Variants in RELN observed in about 807,000 individuals in gnomAD.
The protein encoded by RELN is reelin.
A neutral mutation model predicts 427.6 loss-of-function variants in RELN; 108 were observed. The ratio of observed to expected loss-of-function variants is 0.25; its 90% CI spans 0.22 to 0.30. The LOEUF (loss-of-function observed/expected upper bound fraction) is 0.30. RELN is among the 10% of genes least tolerant of loss of function. The pLI, the probability that RELN is intolerant of heterozygous loss-of-function variation, is 1.00. For synonymous variants in RELN, 1,524 were observed against 1,513.4 expected, an observed-to-expected ratio of 1.01 and a Z score of -0.16; for missense variants, 3,715 against 4,302.8, an observed-to-expected ratio of 0.86 and a Z score of 3.82.
intron 10 of RELN, among the ~76,000 whole-genome samples, chr7:103,694,203 G>C (rs1833930770): frequency 6.6e-6 from 1 of 152,114 alleles, no homozygotes; most frequent in African/African-American, 2.4e-5. Flanking sequence ...AAAACACACA[G>C]ATAATTTAAC....
chr7:103,756,283 G>A (rs956087803), intron 4 of RELN, among the ~76,000 whole-genome samples: 1 of 152,178 alleles, frequency 6.6e-6, no homozygotes, highest in Non-Finnish European at 1.5e-5. Context: ...GACCCACTGA[G>A]TCAGAATCTC....
At chr7:103,547,336 G>T (rs964129157) in intron 41 of RELN, among the ~76,000 whole-genome samples, 1 of 152,028 alleles carries the variant, frequency 6.6e-6, no homozygotes, top group African/African-American at 2.4e-5. Flanking sequence ...TGCTCTTGTC[G>T]CCCAGGCTTG....
intron 64 of RELN, among the ~76,000 whole-genome samples, chr7:103,475,208 T>A (rs1240382012): frequency 6.6e-6 from 1 of 150,756 alleles, no homozygotes; most frequent in African/African-American, 2.5e-5. Flanking sequence ...ACTCCCTCTA[T>A]AAGTGAACTT....
intron 45 of RELN, among the ~76,000 whole-genome samples, chr7:103,535,990 A>G (rs1329451429): frequency 6.6e-6 from 1 of 152,070 alleles, no homozygotes; most frequent in African/African-American, 2.4e-5. Flanking sequence ...CATATTATAT[A>G]TTTTAATAAT....
chr7:103,962,445 C>G (rs1482187051), intron 1 of RELN, among the ~76,000 whole-genome samples: 2 of 152,124 alleles, frequency 1.3e-5, no homozygotes, highest in African/African-American at 4.8e-5. Context: ...CTAATTACCA[C>G]CAAGAGGAAT....
chr7:103,960,562 C>A (rs961861326), intron 1 of RELN, among the ~76,000 whole-genome samples: 1 of 152,128 alleles, frequency 6.6e-6, no homozygotes, highest in Non-Finnish European at 1.5e-5. Context: ...CAGAAAATAT[C>A]TGGCATATTT....
intron 10 of RELN, among the ~76,000 whole-genome samples, chr7:103,696,834 T>C (rs1268931514): frequency 6.6e-6 from 1 of 152,170 alleles, no homozygotes; most frequent in East Asian, 1.9e-4. Context: ...GATTGGCTCC[T>C]GTTTAAAGCA....
chr7:103,815,020 A>G (rs540794084), intron 3 of RELN, among the ~76,000 whole-genome samples: 1 of 152,328 alleles, frequency 6.6e-6, no homozygotes, highest in Non-Finnish European at 1.5e-5. Context: ...GGGCAGTCTT[A>G]AAATAGAAAT....
intron 20 of RELN, among the ~76,000 whole-genome samples, chr7:103,628,789 A>G (rs1190545153): frequency 6.6e-6 from 1 of 152,206 alleles, no homozygotes; most frequent in East Asian, 1.9e-4. Flanking sequence ...TTCTTCAACC[A>G]TATTTCCAGT....
At chr7:103,515,548 G>T (rs1178639498) in intron 49 of RELN, 107 bp from the exon 50 acceptor site, 1 of 1,400,286 alleles carries the variant, frequency 7.1e-7, no homozygotes, top group Non-Finnish European at 9.9e-7. Flanking sequence ...CACATGGTGG[G>T]TGAGGGAAGG....
chr7:103,578,361 T>C (rs1831050607), intron 28 of RELN, among the ~76,000 whole-genome samples: 4 of 152,118 alleles, frequency 2.6e-5, no homozygotes, highest in Admixed American at 2.6e-4. Context: ...AGACTAATCA[T>C]TTGGTTAATA....
At chr7:103,639,340 C>T (rs1832648858) in intron 17 of RELN, among the ~76,000 whole-genome samples, 1 of 151,710 alleles carries the variant, frequency 6.6e-6, no homozygotes, top group Non-Finnish European at 1.5e-5. Flanking sequence ...AAAAGCCACA[C>T]TAATCTCAAT....
intron 2 of RELN, among the ~76,000 whole-genome samples, chr7:103,842,945 G>A (rs1415819483): frequency 3.3e-5 from 5 of 152,078 alleles, no homozygotes; most frequent in African/African-American, 4.8e-5. Flanking sequence ...TCTGTGCCAC[G>A]TTTAGAGAGG....
At chr7:103,925,497 C>T (rs1372851585) in intron 1 of RELN, among the ~76,000 whole-genome samples, 3 of 152,034 alleles carry the variant, frequency 2.0e-5, no homozygotes, top group Non-Finnish European at 2.9e-5. Flanking sequence ...TTATTTTTCA[C>T]GTTACTTTTA....
At position 103,653,470 on chromosome 7, in the gene RELN, G is replaced by A. The variant is rs995991791; in HGVS notation, c.1554+623C>T. On this transcript the variant is annotated intron_variant, in intron 13 of 64. Coordinates refer to ENST00000428762, the MANE Select transcript of RELN (RefSeq NM_005045.4). ...ATTTAAGCTTTTAAAAGTACTTAGG[G>A]TACCATCAGTGCAAAGAAAAGACTA... 4.2e-4 allele frequency among the ~76,000 whole-genome samples: 64 copies of A among 151,996 alleles called. 1 individual carries two copies. Among genetic ancestry groups the A allele is most frequent in the Admixed American group, 1.6e-3 (25 of 15,236 alleles).
At chr7:103,771,350 C>T (rs1340284447) in intron 4 of RELN, among the ~76,000 whole-genome samples, 2 of 152,098 alleles carry the variant, frequency 1.3e-5, no homozygotes, top group African/African-American at 2.4e-5. Flanking sequence ...CAGAGGCTTG[C>T]CTCTTCTCCA....
chr7:103,541,521 T>C (rs1365433609), intron 43 of RELN, among the ~76,000 whole-genome samples: 1 of 152,240 alleles, frequency 6.6e-6, no homozygotes, highest in Non-Finnish European at 1.5e-5. Context: ...GGTCAATATA[T>C]GCAAATCCTA....
intron 1 of RELN, among the ~76,000 whole-genome samples, chr7:103,983,684 A>T (rs1339806965): frequency 6.6e-6 from 1 of 152,216 alleles, no homozygotes; most frequent in South Asian, 2.1e-4. Context: ...AAATACTTAG[A>T]TAAGTCAATT....
chr7:103,675,840 G>GA (rs1475221062), intron 11 of RELN, among the ~76,000 whole-genome samples: 42 of 152,308 alleles, frequency 2.8e-4, no homozygotes, highest in African/African-American at 9.4e-4. Context: ...GCCATATGTA[G>GA]AAAGCTGAAA....
Sources: allele counts gnomAD v4.1 joint callset (sites outside exome capture counted in the v4.1 genomes callset), GRCh38; gene constraint gnomAD v4.1.1; transcripts MANE v1.5; gene names NCBI Gene and HGNC (gene_info 2026-07-23, HGNC 2026-07-21).